SRI: variants seen among roughly 807,000 people sequenced by gnomAD.
SRI encodes 22 kDa protein.
SRI carries 30 observed loss-of-function variants against 33.3 expected under a neutral mutation model. That is an observed-to-expected ratio of 0.90 (90% CI 0.67 to 1.22). The LOEUF (loss-of-function observed/expected upper bound fraction) is 1.22, where lower values mean the gene tolerates loss of function less well. Among genes scored for constraint, SRI ranks in the 50% most tolerant of loss-of-function variants. The probability of loss-of-function intolerance (pLI) is 0.00; values close to 1 mark genes in which losing one functional copy is unlikely to be tolerated. For missense variants in SRI, 243 were observed against 250.8 expected, an observed-to-expected ratio of 0.97 and a Z score of 0.21; for synonymous variants, 75 against 89.9, an observed-to-expected ratio of 0.83 and a Z score of 0.94.
chr7:88,213,115 T>C (rs1490967231), intron 3 of SRI, among the ~76,000 whole-genome samples: 4 of 152,164 alleles, frequency 2.6e-5, no homozygotes, highest in African/African-American at 9.7e-5. Context: ...AGAGTCCATT[T>C]CCAGCCCCAC....
chr7:88,210,728 A>G, intron 4 of SRI, 154 bp downstream of exon 4: 1 of 686,534 alleles, frequency 1.5e-6, no homozygotes. Context: ...TCCTTTATTC[A>G]CACCAAATTC....
chr7:88,208,468 C>T, intron 7 of SRI, 39 bp downstream of exon 7: 1 of 1,611,724 alleles, frequency 6.2e-7, no homozygotes, highest in Non-Finnish European at 8.5e-7. Flanking sequence ...TGGTGTACAT[C>T]CTTTTCATCT....
At chr7:88,218,164 C>T (rs1212896968) in intron 2 of SRI, among the ~76,000 whole-genome samples, 1 of 152,176 alleles carries the variant, frequency 6.6e-6, no homozygotes, top group Non-Finnish European at 1.5e-5. Context: ...ATATTTACTG[C>T]ACACAGTGAC....
At chr7:88,222,361 CT>C (rs1160050014), upstream of SRI, among the ~76,000 whole-genome samples, 1,807 of 145,638 alleles carry the variant, frequency 0.012, 38 homozygotes, top group African/African-American at 0.04. Context: ...TGTTTCCTGA[CT>C]TTTTAATGAT....
intron 1 of SRI, 109 bp downstream of exon 1, chr7:88,219,867 C>T (rs1355616084): frequency 4.4e-6 from 6 of 1,368,198 alleles, no homozygotes; most frequent in East Asian, 5.5e-5. Flanking sequence ...CGGAAGGAGC[C>T]CGGGTAGCCG....
chr7:88,225,355 A>G (rs911063564), intron 1 of SRI, among the ~76,000 whole-genome samples: 2 of 152,184 alleles, frequency 1.3e-5, no homozygotes, highest in Admixed American at 1.3e-4. Flanking sequence ...CACACTTTAT[A>G]TATATACTTT....
At chr7:88,226,816 A>G (rs1586726844) in intron 1 of SRI, 1 of 1,389,558 alleles carries the variant, frequency 7.2e-7, no homozygotes, top group East Asian at 2.4e-5. Flanking sequence ...GTAGAACTAC[A>G]AAGATTAGGA....
chr7:88,214,568 T>C (rs953641689), intron 3 of SRI, among the ~76,000 whole-genome samples: 1 of 152,032 alleles, frequency 6.6e-6, no homozygotes, highest in Non-Finnish European at 1.5e-5. Context: ...AGGAAAACTC[T>C]TTCTCAATTT....
intron 3 of SRI, among the ~76,000 whole-genome samples, chr7:88,213,237 AG>A (rs1362984239): frequency 1.3e-5 from 2 of 152,134 alleles, no homozygotes; most frequent in African/African-American, 2.4e-5. Context: ...CTTTACAGTC[AG>A]GGGTAGTATG....
chr7:88,224,248 C>G (rs1851949822), upstream of SRI, among the ~76,000 whole-genome samples: 1 of 152,212 alleles, frequency 6.6e-6, no homozygotes, highest in African/African-American at 2.4e-5. Context: ...AGACAAACGG[C>G]AGTGTGGACA....
chr7:88,210,799 GT>G, intron 4 of SRI, 82 bp downstream of exon 4: 1 of 1,298,442 alleles, frequency 7.7e-7, no homozygotes, highest in Non-Finnish European at 1.1e-6. Context: ...ATTACTTTGT[GT>G]TTACTAGATA....
At chr7:88,218,511 C>A (rs1228928829) in intron 2 of SRI, among the ~76,000 whole-genome samples, 2 of 152,156 alleles carry the variant, frequency 1.3e-5, no homozygotes, top group Admixed American at 6.5e-5. Flanking sequence ...AAAGAAAGTG[C>A]CCATTAGAAT....
chr7:88,225,887 G>C (rs1851982337), intron 1 of SRI, among the ~76,000 whole-genome samples: 1 of 152,112 alleles, frequency 6.6e-6, no homozygotes, highest in African/African-American at 2.4e-5. Context: ...ATTATTTTTT[G>C]ATGAACAAGA....
At chr7:88,208,789 T>G (rs1851496441) in intron 6 of SRI, 2 of 600,768 alleles carry the variant, frequency 3.3e-6, no homozygotes, top group African/African-American at 3.7e-5. Context: ...TGTTTTTTGT[T>G]TTTTTGTTTT....
intron 2 of SRI, 129 bp downstream of exon 2, chr7:88,218,729 AC>A: frequency 2.6e-6 from 2 of 779,786 alleles, no homozygotes. Flanking sequence ...ATAAGAAACA[AC>A]TTTTTTTTTC....
chr7:88,210,296 A>T (rs1261656546), intron 4 of SRI, 166 bp from the exon 5 acceptor site: 5 of 832,806 alleles, frequency 6.0e-6, no homozygotes, highest in Non-Finnish European at 9.4e-6. Context: ...GGGGCTATGG[A>T]GAAAAAGCTC....
intron 7 of SRI, 123 bp from the exon 8 acceptor site, chr7:88,206,627 A>G (rs1851444558): frequency 1.9e-6 from 2 of 1,028,858 alleles, no homozygotes; most frequent in South Asian, 2.7e-5. Flanking sequence ...ACAACTTTCT[A>G]AGATATGAGT....
At chr7:88,223,063 A>C (rs1238619913), upstream of SRI, among the ~76,000 whole-genome samples, 1 of 152,130 alleles carries the variant, frequency 6.6e-6, no homozygotes, top group Admixed American at 6.5e-5. Flanking sequence ...GTGAACAGGC[A>C]ACCTACAAAA....
At chr7:88,224,297 C>A (rs1171017436), upstream of SRI, among the ~76,000 whole-genome samples, 3 of 152,214 alleles carry the variant, frequency 2.0e-5, no homozygotes, top group African/African-American at 7.2e-5. Context: ...TAAAGCTCTA[C>A]ATATAGTATC....
Sources: gnomAD v4.1 joint callset for allele counts (sites outside exome capture counted in the v4.1 genomes callset) on GRCh38, gnomAD v4.1.1 for gene constraint, MANE v1.5 for transcripts, NCBI Gene and HGNC (gene_info 2026-07-23, HGNC 2026-07-21) for gene names.